The following FRMD4A variants were observed in gnomAD, a reference collection of about 807,000 sequenced individuals.
FRMD4A encodes FERM domain-containing protein 4A.
Under a neutral mutation model 129.1 loss-of-function variants are expected in FRMD4A, and 29 were observed. The ratio of observed to expected loss-of-function variants is 0.22; its 90% CI spans 0.17 to 0.31. The LOEUF (loss-of-function observed/expected upper bound fraction) is 0.31. Among genes scored for constraint, FRMD4A ranks in the 10% least tolerant of loss-of-function variants. The pLI is 1.00. For missense variants in FRMD4A, 1,272 were observed against 1,375.8 expected (o/e 0.92, Z 1.19); for synonymous variants, 634 against 571.6 (o/e 1.11, Z -1.56).
intron 2 of FRMD4A, among the ~76,000 whole-genome samples, chr10:13,916,776 CA>C (rs369185346): frequency 1.3e-5 from 2 of 152,094 alleles, no homozygotes; most frequent in African/African-American, 4.8e-5. Context: ...ACCATATTTT[CA>C]GTAAATATGT....
At chr10:14,094,293 G>A (rs1022967840) in intron 2 of FRMD4A, among the ~76,000 whole-genome samples, 3 of 152,322 alleles carry the variant, frequency 2.0e-5, no homozygotes, top group Admixed American at 2.0e-4. Context: ...AGGGTGCGTG[G>A]AATGATGAGG....
intron 8 of FRMD4A, among the ~76,000 whole-genome samples, chr10:13,754,788 G>C (rs2091786239): frequency 6.6e-6 from 1 of 151,878 alleles, no homozygotes; most frequent in South Asian, 2.1e-4. Context: ...CATAAGTTAT[G>C]TTCCCAATGT....
rs1218455 is a variant in FRMD4A, at chr10:14,289,373, T to C, written c.45+40685A>G. On this transcript the variant is annotated intron_variant, in intron 2 of 24. Coordinates refer to ENST00000357447, the MANE Select transcript of FRMD4A (RefSeq NM_018027.5). ...TGTTTCATATGCATTTTCCTGATGA[T>C]AAGTGATGTTGAGCACATTTTCATA... Among the ~76,000 whole-genome samples the C allele has an allele frequency of 5.4e-3, 830 of 152,308 alleles. 7 individuals are homozygous for C. The highest frequency in any genetic ancestry group is 0.019 in the African/African-American group (787 of 41,584).
At chr10:13,731,649 C>CA (rs35512356) in intron 12 of FRMD4A, among the ~76,000 whole-genome samples, 33,541 of 116,292 alleles carry the variant, frequency 0.29, 5,136 homozygotes, top group Non-Finnish European at 0.37. Flanking sequence ...GACTTCATCT[C>CA]AAAAAAAAAA....
chr10:13,654,865 A>G (rs1231012793), intron 22 of FRMD4A: 3 of 305,446 alleles, frequency 9.8e-6, no homozygotes, highest in African/African-American at 4.4e-5. Context: ...TGATGTCCCC[A>G]TAGTCCTTTG....
chr10:13,688,054 C>T (rs78190158), intron 15 of FRMD4A, among the ~76,000 whole-genome samples: 4,256 of 152,230 alleles, frequency 0.028, 132 homozygotes, highest in East Asian at 0.092. Flanking sequence ...TTTAACTACG[C>T]TGAAATCATC....
intron 15 of FRMD4A, among the ~76,000 whole-genome samples, chr10:13,687,257 C>T (rs1292636674): frequency 6.6e-6 from 1 of 152,190 alleles, no homozygotes; most frequent in Non-Finnish European, 1.5e-5. Flanking sequence ...GATCATGCCA[C>T]TGCACTCCAG....
chr10:14,124,330 C>T (rs778561664), intron 2 of FRMD4A, among the ~76,000 whole-genome samples: 3 of 152,186 alleles, frequency 2.0e-5, no homozygotes, highest in Non-Finnish European at 4.4e-5. Context: ...AGCAGCCCTG[C>T]AGGATACCTG....
chr10:14,062,477 C>G (rs533757988), intron 2 of FRMD4A, among the ~76,000 whole-genome samples: 1 of 152,212 alleles, frequency 6.6e-6, no homozygotes, highest in East Asian at 1.9e-4. Flanking sequence ...AAAGTCTTAG[C>G]CATTGAACTT....
At chr10:13,909,076 A>G (rs2094912820) in intron 2 of FRMD4A, among the ~76,000 whole-genome samples, 1 of 152,138 alleles carries the variant, frequency 6.6e-6, no homozygotes, top group African/African-American at 2.4e-5. Context: ...CCTTATCATC[A>G]GTTTTCCTGC....
rs553914998 is a variant in FRMD4A, at chr10:14,234,289, T to C, written c.45+95769A>G. On this transcript the variant is annotated intron_variant, in intron 2 of 24. Coordinates refer to ENST00000357447, the MANE Select transcript of FRMD4A (RefSeq NM_018027.5). ...ACCCTATGTTTCTGGGTTGGGTTGTTTGAGTCCCTGGTGAAATGTCTGTAA... is the reference window on the plus strand; with the variant it reads ...ACCCTATGTTTCTGGGTTGGGTTGTCTGAGTCCCTGGTGAAATGTCTGTAA... Among the ~76,000 whole-genome samples the C allele has an allele frequency of 3.3e-4, 50 of 152,320 alleles. No individual in the cohort carries two copies. The South Asian group carries it at 0.01, about 31-fold the overall frequency.
At chr10:13,990,667 C>T (rs1298360310) in intron 2 of FRMD4A, among the ~76,000 whole-genome samples, 2 of 152,130 alleles carry the variant, frequency 1.3e-5, no homozygotes, top group African/African-American at 4.8e-5. Flanking sequence ...CTGAGCAGAA[C>T]AATGGGAGCC....
At chr10:14,307,888 T>C (rs1397881664) in intron 2 of FRMD4A, among the ~76,000 whole-genome samples, 1 of 152,258 alleles carries the variant, frequency 6.6e-6, no homozygotes, top group Non-Finnish European at 1.5e-5. Flanking sequence ...CCTAGTTCTT[T>C]ACTGGGGTCC....
intron 2 of FRMD4A, among the ~76,000 whole-genome samples, chr10:13,953,804 GT>G (rs1405322363): frequency 1.3e-5 from 2 of 152,168 alleles, no homozygotes; most frequent in Non-Finnish European, 2.9e-5. Context: ...TGTATATAGG[GT>G]TTGGTACTAT....
chr10:13,945,978 T>C (rs575292832), intron 2 of FRMD4A, among the ~76,000 whole-genome samples: 1 of 152,128 alleles, frequency 6.6e-6, no homozygotes, highest in South Asian at 2.1e-4. Flanking sequence ...ATTTACACAT[T>C]CCCTAGGAGT....
intron 3 of FRMD4A, among the ~76,000 whole-genome samples, chr10:13,825,559 C>T (rs1163862017): frequency 6.6e-6 from 1 of 152,302 alleles, no homozygotes; most frequent in East Asian, 1.9e-4. Flanking sequence ...ATCCTGAAAC[C>T]ATCCTTGCCC....
intron 2 of FRMD4A, among the ~76,000 whole-genome samples, chr10:14,165,311 A>G (rs1399777005): frequency 1.3e-5 from 2 of 152,230 alleles, no homozygotes; most frequent in African/African-American, 4.8e-5. Context: ...AACCACAGCG[A>G]TAGCCATCCA....
At chr10:13,729,915 C>CG (rs2090206807) in intron 12 of FRMD4A, among the ~76,000 whole-genome samples, 1 of 152,206 alleles carries the variant, frequency 6.6e-6, no homozygotes, top group South Asian at 2.1e-4. Flanking sequence ...ATATTCTTTA[C>CG]AAGGGAGGCT....
intron 2 of FRMD4A, among the ~76,000 whole-genome samples, chr10:14,168,651 A>G (rs1841316567): frequency 6.6e-6 from 1 of 152,198 alleles, no homozygotes; most frequent in South Asian, 2.1e-4. Context: ...TTCTTCACAT[A>G]TTCATTCACA....
Sources: gnomAD v4.1 joint callset for allele counts (sites outside exome capture counted in the v4.1 genomes callset) on GRCh38, gnomAD v4.1.1 for gene constraint, MANE v1.5 for transcripts, NCBI Gene and HGNC (gene_info 2026-07-23, HGNC 2026-07-21) for gene names.